The following ROBO2 variants were observed in gnomAD, a reference collection of about 807,000 sequenced individuals.
ROBO2 encodes the protein roundabout homolog 2.
In ROBO2, 53 loss-of-function variants were observed where a neutral mutation model predicts 160.8. The observed-to-expected ratio is 0.33, with a 90% CI of 0.26 to 0.41. The LOEUF is 0.41. Ranked by LOEUF, ROBO2 falls within the 10% of genes least tolerant of loss-of-function variation. The pLI is 1.00. For synonymous variants in ROBO2, 664 were observed against 611.7 expected, an observed-to-expected ratio of 1.09 and a Z score of -1.26; for missense variants, 1,577 against 1,722.4, an observed-to-expected ratio of 0.92 and a Z score of 1.49.
chr3:76,435,550 G>C (rs1404628829), intron 2 of ROBO2: 1 of 587,056 alleles, frequency 1.7e-6, no homozygotes, highest in African/African-American at 1.9e-5. Context: ...GCTCTGAGAA[G>C]CACAGCTACC....
chr3:76,796,531 G>A (rs551721823), intron 2 of ROBO2, among the ~76,000 whole-genome samples: 1 of 148,878 alleles, frequency 6.7e-6, no homozygotes, highest in South Asian at 2.1e-4. Context: ...AAGGAAGGAA[G>A]GAAGGAAGGG....
chr3:77,021,799 T>C (rs529039586), intron 2 of ROBO2, among the ~76,000 whole-genome samples: 47 of 152,216 alleles, frequency 3.1e-4, no homozygotes, highest in African/African-American at 1.1e-3. Flanking sequence ...ATCAAATGAA[T>C]TTAGCCCCCT....
intron 2 of ROBO2, among the ~76,000 whole-genome samples, chr3:75,940,597 T>A (rs2324405): frequency 1 from 151,918 of 152,234 alleles, 75,802 homozygotes; most frequent in Non-Finnish European, 1. Context: ...TAACATCTGA[T>A]AATGGAGACA....
At chr3:76,859,348 C>T (rs535909932) in intron 2 of ROBO2, among the ~76,000 whole-genome samples, 5 of 152,266 alleles carry the variant, frequency 3.3e-5, no homozygotes, top group African/African-American at 1.2e-4. Context: ...ATTTTAGACA[C>T]ATGTAAAAGT....
At chr3:76,119,916 CCCTTCCTTCCTTCCTT>C (rs551169822) in intron 2 of ROBO2, among the ~76,000 whole-genome samples, 1,623 of 88,158 alleles carry the variant, frequency 0.018, 26 homozygotes, top group East Asian at 0.06. Context: ...TTCCCTCCCT[CCCTTCCTTCCTTCCTT>C]CCTTCCTTCC....
intron 2 of ROBO2, among the ~76,000 whole-genome samples, chr3:76,863,927 A>G (rs2071086900): frequency 6.6e-6 from 1 of 152,076 alleles, no homozygotes; most frequent in Admixed American, 6.6e-5. Context: ...TTCTTTAAAT[A>G]AAAGGCAATC....
chr3:77,280,559 A>C (rs1404825101), intron 2 of ROBO2, among the ~76,000 whole-genome samples: 1 of 152,174 alleles, frequency 6.6e-6, no homozygotes, highest in Non-Finnish European at 1.5e-5. Flanking sequence ...AAAGGAATTA[A>C]TAGACCTACA....
intron 2 of ROBO2, among the ~76,000 whole-genome samples, chr3:76,826,651 C>T (rs934708709): frequency 6.6e-5 from 10 of 151,974 alleles, no homozygotes; most frequent in African/African-American, 1.7e-4. Context: ...TTAAGGCTAA[C>T]GATATATGAC....
intron 2 of ROBO2, among the ~76,000 whole-genome samples, chr3:77,197,611 G>A (rs1351370325): frequency 6.6e-6 from 1 of 152,164 alleles, no homozygotes; most frequent in Admixed American, 6.5e-5. Context: ...TCAGAAAGGG[G>A]GTGAGACTTC....
chr3:76,001,865 A>G (rs1337491674), intron 2 of ROBO2, among the ~76,000 whole-genome samples: 5 of 152,208 alleles, frequency 3.3e-5, no homozygotes, highest in Admixed American at 2.6e-4. Flanking sequence ...CTTATTTTAT[A>G]TATCTTACTC....
At chr3:77,355,740 A>G (rs1380387532) in intron 2 of ROBO2, among the ~76,000 whole-genome samples, 2 of 152,218 alleles carry the variant, frequency 1.3e-5, no homozygotes. Context: ...CATCAAAACA[A>G]AACATAACAA....
intron 2 of ROBO2, among the ~76,000 whole-genome samples, chr3:76,597,980 A>T (rs9844589): frequency 3.3e-5 from 5 of 151,974 alleles, no homozygotes; most frequent in African/African-American, 1.2e-4. Context: ...ATGAGTATTT[A>T]CAGCTTTTTT....
chr3:77,572,237 C>A (rs545204979), intron 13 of ROBO2, among the ~76,000 whole-genome samples: 15 of 152,076 alleles, frequency 9.9e-5, no homozygotes, highest in African/African-American at 3.4e-4. Flanking sequence ...TCACTTAAAG[C>A]AAATGCAGAG....
At chr3:76,840,271 A>G (rs1160353972) in intron 2 of ROBO2, among the ~76,000 whole-genome samples, 1 of 151,758 alleles carries the variant, frequency 6.6e-6, no homozygotes, top group South Asian at 2.1e-4. Context: ...ATACATCATT[A>G]GAAAGGGGCT....
chr3:76,297,561 A>G (rs998564959), intron 2 of ROBO2, among the ~76,000 whole-genome samples: 1 of 152,146 alleles, frequency 6.6e-6, no homozygotes, highest in South Asian at 2.1e-4. Context: ...CTTGAGCTTA[A>G]GTATCTCCTT....
At chr3:77,462,699 G>C (rs1463278216) in intron 2 of ROBO2, among the ~76,000 whole-genome samples, 1 of 152,090 alleles carries the variant, frequency 6.6e-6, no homozygotes, top group Non-Finnish European at 1.5e-5. Context: ...TACATTTACA[G>C]GGTTTTAAAG....
intron 2 of ROBO2, among the ~76,000 whole-genome samples, chr3:76,445,338 G>C (rs1296490095): frequency 6.6e-6 from 1 of 152,138 alleles, no homozygotes; most frequent in Non-Finnish European, 1.5e-5. Context: ...TTGAAATTGA[G>C]AGGGAAAGTA....
intron 2 of ROBO2, among the ~76,000 whole-genome samples, chr3:76,549,732 G>A (rs936121726): frequency 6.6e-6 from 1 of 152,144 alleles, no homozygotes; most frequent in Non-Finnish European, 1.5e-5. Context: ...TTTTAAAAAA[G>A]ATTCATCTAC....
intron 2 of ROBO2, among the ~76,000 whole-genome samples, chr3:76,439,465 G>A (rs1443800940): frequency 3.3e-5 from 5 of 152,070 alleles, no homozygotes; most frequent in African/African-American, 7.2e-5. Context: ...ATAAGAGAAG[G>A]TGCTCCTAAA....
Sources: allele counts gnomAD v4.1 joint callset (sites outside exome capture counted in the v4.1 genomes callset), GRCh38; gene constraint gnomAD v4.1.1; transcripts MANE v1.5; gene names NCBI Gene and HGNC (gene_info 2026-07-23, HGNC 2026-07-21).